UBE2E1: variants seen among roughly 807,000 people sequenced by gnomAD.
The protein encoded by UBE2E1 is ubiquitin-conjugating enzyme E2 E1.
UBE2E1 carries 6 observed loss-of-function variants against 21.4 expected under a neutral mutation model. The ratio of observed to expected loss-of-function variants is 0.28; its 90% confidence interval spans 0.15 to 0.55. The LOEUF (loss-of-function observed/expected upper bound fraction) is 0.55, where lower values mean the gene tolerates loss of function less well. Ranked by LOEUF, UBE2E1 falls within the 20% of genes least tolerant of loss-of-function variation. UBE2E1 has a pLI of 0.93. For missense variants in UBE2E1, 142 were observed against 236.5 expected, an observed-to-expected ratio of 0.60 and a Z score of 2.62; for synonymous variants, 87 against 82.7, an observed-to-expected ratio of 1.05 and a Z score of -0.28.
chr3:23,851,423 T>A (rs1418900774), intron 3 of UBE2E1, among the ~76,000 whole-genome samples: 1 of 152,162 alleles, frequency 6.6e-6, no homozygotes, highest in Non-Finnish European at 1.5e-5. Context: ...TTTCTGTTTT[T>A]CATTTTGTTT....
intron 3 of UBE2E1, chr3:23,866,483 G>A (rs1700660157): frequency 6.6e-6 from 1 of 152,256 alleles, no homozygotes; most frequent in Admixed American, 6.5e-5. Context: ...GCTGGAGAAA[G>A]TAGGTCTCAT....
intron 3 of UBE2E1, among the ~76,000 whole-genome samples, chr3:23,874,854 T>C (rs1700882816): frequency 6.6e-6 from 1 of 152,212 alleles, no homozygotes; most frequent in Admixed American, 6.5e-5. Context: ...CCTGCTTCTT[T>C]CAGGCACTTG....
rs145735853 is a variant in UBE2E1, at chr3:23,816,706, CAA to C, written c.203+5204_203+5205del. Among the ~76,000 whole-genome samples the C allele has an allele frequency of 2.9e-3, 436 of 149,250 alleles. 10 individuals carry two copies. In the East Asian group the frequency reaches 0.044, roughly 15 times the overall value. ...TGGGCAACAAAGCGAGGCTCCATCT[CAA>C]AAAAAAAGGTTATACTAAGTGAAAT... is the stretch of plus-strand genomic sequence containing the variant. On this transcript the variant is annotated intron_variant, in intron 3 of 5. Coordinates refer to ENST00000306627, the MANE Select transcript of UBE2E1 (RefSeq NM_003341.5). This position sits in a 1 kb window ranked among gnomAD's most constrained non-coding sequence, Gnocchi z 4.8.
chr3:23,859,687 C>T (rs1267913639), intron 3 of UBE2E1, among the ~76,000 whole-genome samples: 1 of 152,154 alleles, frequency 6.6e-6, no homozygotes. Flanking sequence ...TAATGCAAAA[C>T]AGAGATATTC....
intron 3 of UBE2E1, among the ~76,000 whole-genome samples, chr3:23,847,426 A>G (rs760855160): frequency 1.3e-4 from 20 of 151,696 alleles, no homozygotes; most frequent in African/African-American, 3.9e-4. Flanking sequence ...GGGTAGAAAT[A>G]CCCTGTGGTA....
intron 3 of UBE2E1, among the ~76,000 whole-genome samples, chr3:23,881,584 T>A (rs1441460278): frequency 6.6e-6 from 1 of 152,206 alleles, no homozygotes; most frequent in Non-Finnish European, 1.5e-5. Flanking sequence ...TTTTAAAAAA[T>A]CATGTTACAC....
At chr3:23,831,755 G>A (rs1249786130) in intron 3 of UBE2E1, among the ~76,000 whole-genome samples, 2 of 151,806 alleles carry the variant, frequency 1.3e-5, no homozygotes, top group Non-Finnish European at 2.9e-5. Context: ...GGAATGCAGT[G>A]GTGCGATCTC....
At chr3:23,847,444 T>A (rs1279396690) in intron 3 of UBE2E1, among the ~76,000 whole-genome samples, 15 of 152,036 alleles carry the variant, frequency 9.9e-5, no homozygotes, top group Non-Finnish European at 2.1e-4. Context: ...GTATTAATAG[T>A]TTTAAAAATA....
At chr3:23,821,757 G>A (rs145490032) in intron 3 of UBE2E1, among the ~76,000 whole-genome samples, 3 of 152,340 alleles carry the variant, frequency 2.0e-5, no homozygotes, top group East Asian at 1.9e-4. Flanking sequence ...GAATAGGGCC[G>A]TAGGGCGCGT....
At chr3:23,856,171 C>T (rs981829733) in intron 3 of UBE2E1, among the ~76,000 whole-genome samples, 9 of 152,100 alleles carry the variant, frequency 5.9e-5, no homozygotes, top group Non-Finnish European at 8.8e-5. Flanking sequence ...GGATTACAGG[C>T]AGGTACCACC....
chr3:23,814,324 A>G (rs558149924), intron 3 of UBE2E1, among the ~76,000 whole-genome samples: 1 of 152,248 alleles, frequency 6.6e-6, no homozygotes, highest in Non-Finnish European at 1.5e-5. Flanking sequence ...AAAACATAAA[A>G]TTAAATTCTT....
intron 3 of UBE2E1, among the ~76,000 whole-genome samples, chr3:23,856,506 C>G (rs1385687547): frequency 2.0e-5 from 3 of 152,156 alleles, no homozygotes; most frequent in African/African-American, 7.2e-5. Context: ...TTGCCAAGGA[C>G]CAACAACTGT....
rs1013505344 is a variant in UBE2E1, at chr3:23,889,727, A to T, written c.484+468A>T. ...AATACTTAGTGACTATTGAATTGTGACTTTTTTGGGACTTCATTTCATTTA... is the reference window on the plus strand; with the variant it reads ...AATACTTAGTGACTATTGAATTGTGTCTTTTTTGGGACTTCATTTCATTTA... On this transcript the variant is annotated intron_variant, in intron 5 of 5. Coordinates refer to ENST00000306627, the MANE Select transcript of UBE2E1 (RefSeq NM_003341.5). 31 of 985,180 alleles carry T rather than the reference A, an allele frequency of 3.1e-5. No individual in the cohort carries two copies. The Admixed American group carries it at 7.4e-4, about 23-fold the overall frequency. The allele number at this position is 985,180 out of a possible 1,614,324, so 61.0% of individuals were successfully genotyped here.
At position 23,807,224 on chromosome 3, in the gene UBE2E1, TCTCC is replaced by T. The variant is rs1183128930; in HGVS notation, c.-33-11_-33-8del. ...GGTTTGTGTGTTTCTGTTTTGTTTC[TCTCC>T]CCCTGCAGGGGCTGTTTGCGGGGTG... On this transcript the variant is annotated splice_polypyrimidine_tract_variant and intron_variant, in intron 1 of 5. Transcript: ENST00000306627. 4 of 1,578,746 alleles carry T rather than the reference TCTCC, an allele frequency of 2.5e-6. No homozygotes were observed. In the East Asian group the frequency reaches 9.0e-5, roughly 36 times the overall value.
intron 3 of UBE2E1, among the ~76,000 whole-genome samples, chr3:23,875,684 G>A (rs1700899292): frequency 6.6e-6 from 1 of 152,158 alleles, no homozygotes; most frequent in Non-Finnish European, 1.5e-5. Context: ...TAAGTGCCTG[G>A]GATAGTCTCC....
At chr3:23,866,773 G>A (rs1700666199) in intron 3 of UBE2E1, among the ~76,000 whole-genome samples, 1 of 152,142 alleles carries the variant, frequency 6.6e-6, no homozygotes, top group Non-Finnish European at 1.5e-5. Flanking sequence ...TTGGTATTAA[G>A]AAATTTAAAT....
chr3:23,828,741 A>G (rs1027249112), intron 3 of UBE2E1, among the ~76,000 whole-genome samples: 3 of 152,248 alleles, frequency 2.0e-5, no homozygotes, highest in Non-Finnish European at 4.4e-5. Flanking sequence ...ACAAGACATT[A>G]TATAAAGGTT....
intron 3 of UBE2E1, among the ~76,000 whole-genome samples, chr3:23,831,491 T>C (rs1411096375): frequency 6.6e-6 from 1 of 151,290 alleles, no homozygotes; most frequent in Non-Finnish European, 1.5e-5. Flanking sequence ...GGGAGCTAGT[T>C]TGACAAAATA....
rs1268269219 is a variant in UBE2E1, at chr3:23,824,594, C to T, written c.203+13084C>T. On this transcript the variant is annotated intron_variant, in intron 3 of 5. Coordinates refer to ENST00000306627, the MANE Select transcript of UBE2E1 (RefSeq NM_003341.5). ...GTTCTGTAGCTCCTCTGATACTCTT[C>T]AAGCCCCTCAAGGAGCATTAGGTTT... is the stretch of plus-strand genomic sequence containing the variant. 2.6e-5 allele frequency among the ~76,000 whole-genome samples: 4 copies of T among 152,244 alleles called. No homozygotes were observed. The East Asian group carries it at 7.7e-4, about 29-fold the overall frequency.
Sources: gnomAD v4.1 joint callset for allele counts (sites outside exome capture counted in the v4.1 genomes callset) on GRCh38, gnomAD v4.1.1 for gene constraint, Gnocchi (gnomAD v3.1) non-coding constraint, MANE v1.5 for transcripts, NCBI Gene and HGNC (gene_info 2026-07-23, HGNC 2026-07-21) for gene names.